The following CNTNAP5 variants were observed in gnomAD, a reference collection of about 807,000 sequenced individuals.
CNTNAP5 encodes contactin associated protein family member 5, also known as contactin-associated protein-like 5.
CNTNAP5 carries 72 observed loss-of-function variants against 150.2 expected under a neutral mutation model. The observed-to-expected ratio is 0.48, with a 90% CI of 0.40 to 0.58. The LOEUF (loss-of-function observed/expected upper bound fraction) is 0.58. Among genes scored for constraint, CNTNAP5 ranks in the 20% least tolerant of loss-of-function variants. CNTNAP5 has a pLI of 0.00. For missense variants in CNTNAP5, 1,636 were observed against 1,626.2 expected, an observed-to-expected ratio of 1.01 and a Z score of -0.10; for synonymous variants, 672 against 619.8, an observed-to-expected ratio of 1.08 and a Z score of -1.25.
chr2:124,427,695 G>A (rs927841834), intron 4 of CNTNAP5, among the ~76,000 whole-genome samples: 3 of 152,048 alleles, frequency 2.0e-5, no homozygotes, highest in Non-Finnish European at 4.4e-5. Flanking sequence ...GACCTCAGGT[G>A]ATCTGCCTGC....
chr2:124,410,293 C>A (rs1324171387), intron 3 of CNTNAP5, among the ~76,000 whole-genome samples: 3 of 149,660 alleles, frequency 2.0e-5, no homozygotes. Context: ...GACTTTAACA[C>A]CCCACTGTCA....
intron 16 of CNTNAP5, among the ~76,000 whole-genome samples, chr2:124,766,734 T>C (rs544204824): frequency 1.8e-4 from 27 of 152,316 alleles, no homozygotes; most frequent in Middle Eastern, 3.4e-3. Context: ...TTTGATTCAT[T>C]AAAGCAGCAG....
At chr2:124,119,095 G>A (rs916075448) in intron 1 of CNTNAP5, among the ~76,000 whole-genome samples, 1 of 152,100 alleles carries the variant, frequency 6.6e-6, no homozygotes, top group Non-Finnish European at 1.5e-5. Context: ...TCTCACAAGC[G>A]AGTCTTTGTG....
chr2:124,597,972 C>T (rs1333687769), intron 11 of CNTNAP5, among the ~76,000 whole-genome samples: 2 of 118,812 alleles, frequency 1.7e-5, no homozygotes, highest in Non-Finnish European at 3.5e-5. Flanking sequence ...ACTTAGTTCT[C>T]GAGCCTTGGG....
At chr2:124,536,543 T>C (rs1482760251) in intron 10 of CNTNAP5, among the ~76,000 whole-genome samples, 3 of 152,136 alleles carry the variant, frequency 2.0e-5, no homozygotes, top group Non-Finnish European at 4.4e-5. Context: ...AGACAACCAA[T>C]TCTTAGAGAG....
intron 6 of CNTNAP5, among the ~76,000 whole-genome samples, chr2:124,473,391 G>T (rs1003506932): frequency 2.6e-5 from 4 of 151,886 alleles, no homozygotes; most frequent in Non-Finnish European, 5.9e-5. Context: ...ACTTTAAAAT[G>T]AAATAGATAA....
chr2:124,507,382 C>G (rs1694435312), intron 8 of CNTNAP5, among the ~76,000 whole-genome samples: 1 of 152,000 alleles, frequency 6.6e-6, no homozygotes, highest in Non-Finnish European at 1.5e-5. Context: ...CAGCTGAGCC[C>G]AGGGAGGCCG....
intron 3 of CNTNAP5, among the ~76,000 whole-genome samples, chr2:124,346,916 CAA>C (rs35078281): frequency 2.8e-5 from 3 of 109,034 alleles, no homozygotes; most frequent in Admixed American, 1.1e-4. Context: ...ATTAAAAATA[CAA>C]AAAAAAAAAA....
In CNTNAP5 at chr2:124,066,975, A is replaced by G. The variant is rs138508307; in HGVS notation, c.82+41243A>G. Among the ~76,000 whole-genome samples the G allele has an allele frequency of 1.5e-3, 221 of 152,302 alleles. 1 individual carries two copies. Among genetic ancestry groups the G allele is most frequent in the African/African-American group, 5.1e-3 (212 of 41,584 alleles). ...AGTGCAGGAATTTGAAGAATTCAAG[A>G]CTACATTGTACTCTTCAAGACCACA... On this transcript the variant is annotated intron_variant, in intron 1 of 23. Coordinates refer to ENST00000682447, the MANE Select transcript of CNTNAP5 (RefSeq NM_001367498.1).
At chr2:124,085,445 G>T (rs1682664352) in intron 1 of CNTNAP5, among the ~76,000 whole-genome samples, 1 of 150,918 alleles carries the variant, frequency 6.6e-6, no homozygotes, top group African/African-American at 2.4e-5. Flanking sequence ...AGTTTTGCCA[G>T]AGTTTTGTCA....
intron 1 of CNTNAP5, among the ~76,000 whole-genome samples, chr2:124,119,155 C>T (rs1464998872): frequency 6.6e-6 from 1 of 152,088 alleles, no homozygotes; most frequent in East Asian, 1.9e-4. Flanking sequence ...AATTCTATCC[C>T]GAGTTTCCTG....
In CNTNAP5 at chr2:124,829,200, G is replaced by A. The variant is rs987493871; in HGVS notation, c.3217+30880G>A. Among the ~76,000 whole-genome samples, 119 of 152,208 alleles carry A rather than the reference G, an allele frequency of 7.8e-4. 1 individual carries two copies. Among genetic ancestry groups the A allele is most frequent in the African/African-American group, 2.6e-3 (110 of 41,542 alleles). On this transcript the variant is annotated intron_variant, in intron 19 of 23. Coordinates refer to ENST00000682447, the MANE Select transcript of CNTNAP5 (RefSeq NM_001367498.1). ...GAGCTATACATCATTCCAGAGTCAG[G>A]GGCTTGTGAAATTATGCTGGCAAGC...
At chr2:124,789,644 G>T (rs954424560) in intron 17 of CNTNAP5, among the ~76,000 whole-genome samples, 8 of 152,074 alleles carry the variant, frequency 5.3e-5, no homozygotes, top group African/African-American at 1.4e-4. Context: ...TTATAAATGA[G>T]AATATGGGGT....
intron 1 of CNTNAP5, among the ~76,000 whole-genome samples, chr2:124,170,577 G>T (rs1047118132): frequency 3.9e-5 from 6 of 152,138 alleles, no homozygotes; most frequent in Non-Finnish European, 7.3e-5. Context: ...TAAACTACAG[G>T]GCCTTTTAAG....
intron 1 of CNTNAP5, among the ~76,000 whole-genome samples, chr2:124,073,051 T>C (rs572697386): frequency 1.3e-5 from 2 of 152,008 alleles, no homozygotes; most frequent in African/African-American, 4.8e-5. Flanking sequence ...CAGAAATGAA[T>C]TCATACATCT....
chr2:124,644,708 A>G (rs542489983), intron 12 of CNTNAP5, among the ~76,000 whole-genome samples: 62 of 152,286 alleles, frequency 4.1e-4, no homozygotes, highest in Non-Finnish European at 8.7e-4. Flanking sequence ...AAAAAATGAT[A>G]TACATTTACT....
At chr2:124,478,998 C>A (rs1225518641) in intron 7 of CNTNAP5, among the ~76,000 whole-genome samples, 5 of 152,184 alleles carry the variant, frequency 3.3e-5, no homozygotes, top group African/African-American at 1.2e-4. Flanking sequence ...TCCCTGGAGA[C>A]TTAACAGCTG....
At chr2:124,414,106 A>G (rs79284624) in intron 3 of CNTNAP5, among the ~76,000 whole-genome samples, 1,875 of 132,736 alleles carry the variant, frequency 0.014, 32 homozygotes, top group African/African-American at 0.049. Context: ...TACTTTCAGT[A>G]TTTTTGGATT....
intron 1 of CNTNAP5, among the ~76,000 whole-genome samples, chr2:124,174,141 A>G (rs1685007076): frequency 6.6e-6 from 1 of 151,858 alleles, no homozygotes; most frequent in Non-Finnish European, 1.5e-5. Context: ...ATTTCAAAAT[A>G]TTACTGCTCA....
Sources: allele counts gnomAD v4.1 joint callset (sites outside exome capture counted in the v4.1 genomes callset), GRCh38; gene constraint gnomAD v4.1.1; transcripts MANE v1.5; gene names NCBI Gene and HGNC (gene_info 2026-07-23, HGNC 2026-07-21).